Variants in DNAH11 observed in about 807,000 individuals in gnomAD.
DNAH11 encodes the protein axonemal beta dynein heavy chain 11.
In DNAH11, 442 loss-of-function variants were observed where a neutral mutation model predicts 526.0. That is an observed-to-expected ratio of 0.84 (90% CI 0.78 to 0.91). The LOEUF is 0.91. Ranked by LOEUF, DNAH11 falls within the 40% of genes least tolerant of loss-of-function variation. DNAH11 has a pLI of 0.00. For missense variants in DNAH11, 6,989 were observed against 5,448.7 expected (o/e 1.28, Z -8.90); for synonymous variants, 2,461 against 1,935.9 (o/e 1.27, Z -7.12).
intron 74 of DNAH11, among the ~76,000 whole-genome samples, chr7:21,879,577 G>T (rs73077549): frequency 6.6e-6 from 1 of 152,180 alleles, no homozygotes; most frequent in South Asian, 2.1e-4. Flanking sequence ...ATAATGTGTC[G>T]TGGTGATTTT....
rs1387643814 is a variant in DNAH11 at position 21,789,871 on chromosome 7, TC to T, written c.10026+530del. Among the ~76,000 whole-genome samples, 230 of 143,060 alleles carry T rather than the reference TC, an allele frequency of 1.6e-3. 2 individuals carry two copies. The highest frequency in any genetic ancestry group is 6.1e-3 in the African/African-American group (219 of 36,140). The allele number at this position is 143,060 out of a possible 152,430, so 93.9% of individuals were successfully genotyped here. A position where few individuals can be genotyped will look rare whatever the true frequency, so the allele number is the denominator to read the frequency against. On this transcript the variant is annotated intron_variant, in intron 61 of 81. Coordinates refer to ENST00000409508, the MANE Select transcript of DNAH11 (RefSeq NM_001277115.2). ...TTCTTTCTCTCTCCTTCCTTCCTTT[TC>T]TTTCTTTCTTTCTTTCTTTCCTTTC...
At chr7:21,811,279 A>G (rs148151689) in intron 63 of DNAH11, among the ~76,000 whole-genome samples, 8,369 of 151,392 alleles carry the variant, frequency 0.055, 283 homozygotes, top group East Asian at 0.18. Context: ...CCTGGCCAAC[A>G]TGGTGAAACC....
At position 21,892,418 on chromosome 7, in the gene DNAH11, G is replaced by A; in HGVS notation, c.12508-7G>A. 1 of 1,604,206 alleles carries A rather than the reference G, an allele frequency of 6.2e-7. No individual in the cohort carries two copies. The highest frequency in any genetic ancestry group is 8.5e-7 in the Non-Finnish European group (1 of 1,172,820). On this transcript the variant is annotated splice_polypyrimidine_tract_variant and splice_region_variant and intron_variant, in intron 76 of 81. Coordinates refer to ENST00000409508, the MANE Select transcript of DNAH11 (RefSeq NM_001277115.2). ...TGGAATAACTGACTTTTCCTTTGTG[G>A]TTCAAGACTGAAGATGAACTGATGC...
intron 8 of DNAH11, among the ~76,000 whole-genome samples, chr7:21,576,529 C>A (rs982928095): frequency 2.6e-5 from 4 of 152,174 alleles, no homozygotes; most frequent in African/African-American, 9.7e-5. Context: ...AGGGCTTAAG[C>A]CAAGACCCTA....
At chr7:21,809,935 A>C (rs1439983823) in intron 63 of DNAH11, among the ~76,000 whole-genome samples, 2 of 152,202 alleles carry the variant, frequency 1.3e-5, no homozygotes, top group African/African-American at 4.8e-5. Flanking sequence ...TTCAACAAGA[A>C]CATAAAAATT....
chr7:21,597,320 G>A (rs943610549), intron 14 of DNAH11, among the ~76,000 whole-genome samples: 2 of 152,124 alleles, frequency 1.3e-5, no homozygotes, highest in Admixed American at 6.5e-5. Flanking sequence ...AGGTCAAGAG[G>A]GCTGGTTTCT....
chr7:21,721,530 A>G (rs1784873824), intron 44 of DNAH11, among the ~76,000 whole-genome samples: 1 of 152,234 alleles, frequency 6.6e-6, no homozygotes, highest in Non-Finnish European at 1.5e-5. Flanking sequence ...TTATGGTGTC[A>G]GCATGGTTGA....
At chr7:21,549,595 G>T (rs1208328859) in intron 2 of DNAH11, among the ~76,000 whole-genome samples, 6 of 152,086 alleles carry the variant, frequency 3.9e-5, no homozygotes, top group African/African-American at 1.2e-4. Flanking sequence ...TGCTACTTTT[G>T]GTTCTTGGTT....
chr7:21,654,558 A>G lies in DNAH11; in HGVS notation c.4945-1274A>G, dbSNP rs563809397. Among the ~76,000 whole-genome samples the G allele has an allele frequency of 2.7e-4, 41 of 152,288 alleles. No individual in the cohort carries two copies. The South Asian group carries it at 8.5e-3, about 32-fold the overall frequency. Reference sequence around the variant, plus strand: ...TGCTTCGATGAACAGAGATGTACAAATACCTGTTTGAGTTCCTATTTTCAA... The same window carrying G: ...TGCTTCGATGAACAGAGATGTACAAGTACCTGTTTGAGTTCCTATTTTCAA... On this transcript the variant is annotated intron_variant, in intron 28 of 81. Transcript: ENST00000409508.
rs137991554 is a variant in DNAH11, at chr7:21,850,962, A to C, written c.10897-1505A>C. Reference sequence around the variant, plus strand: ...TGGAGGGGAAGCATTCTTTTCTCTTATAATTACATCTCAGGGTTTTTTAGG... The same window carrying C: ...TGGAGGGGAAGCATTCTTTTCTCTTCTAATTACATCTCAGGGTTTTTTAGG... On this transcript the variant is annotated intron_variant, in intron 66 of 81. Transcript: ENST00000409508. 2.6e-5 allele frequency among the ~76,000 whole-genome samples: 4 copies of C among 152,266 alleles called. 1 individual carries two copies. Among genetic ancestry groups the C allele is most frequent in the African/African-American group, 9.6e-5 (4 of 41,554 alleles).
intron 14 of DNAH11, among the ~76,000 whole-genome samples, chr7:21,591,969 C>G (rs911897668): frequency 1.3e-5 from 2 of 152,062 alleles, no homozygotes; most frequent in African/African-American, 4.8e-5. Flanking sequence ...CTAAGGGTGG[C>G]AACAATAATT....
In DNAH11 at chr7:21,600,929, A is replaced by T. The variant is rs751223056; in HGVS notation, c.3254A>T (p.Gln1085Leu). The T allele has an allele frequency of 1.2e-6, 2 of 1,613,462 alleles. No homozygotes were observed. The highest frequency in any genetic ancestry group is 1.7e-6 in the Non-Finnish European group (2 of 1,179,652). Residue 1085 changes from glutamine to leucine, a missense_variant and splice_region_variant, in exon 16 of 82, where the codon CAG becomes CTG. By Grantham distance (113) the Gln-to-Leu change is moderately radical. Transcript: ENST00000409508. ...CCAACTCTTGAGCAATTCAAAGAAC[A>T]GGCAAGGAAAACCCTTAGCATTTAA... Reference protein sequence around the residue: ...QPPTLEQFKEQIDIYEALYVQ... With the variant: ...QPPTLEQFKELIDIYEALYVQ...
chr7:21,662,407 G>T (rs1407640231), intron 30 of DNAH11, among the ~76,000 whole-genome samples: 1 of 151,946 alleles, frequency 6.6e-6, no homozygotes. Flanking sequence ...AATTCATTTT[G>T]TGTCTATGAA....
intron 66 of DNAH11, among the ~76,000 whole-genome samples, chr7:21,849,889 T>C (rs540535409): frequency 6.6e-6 from 1 of 152,334 alleles, no homozygotes; most frequent in African/African-American, 2.4e-5. Context: ...GCTACCATTA[T>C]TTCCAATCTT....
intron 2 of DNAH11, among the ~76,000 whole-genome samples, chr7:21,556,966 C>A (rs1783244577): frequency 6.6e-6 from 1 of 151,718 alleles, no homozygotes; most frequent in African/African-American, 2.4e-5. Flanking sequence ...GAGGCTGAGG[C>A]AGGAGAATCG....
At chr7:21,792,694 G>A (rs1471293857) in intron 61 of DNAH11, among the ~76,000 whole-genome samples, 1 of 152,002 alleles carries the variant, frequency 6.6e-6, no homozygotes, top group African/African-American at 2.4e-5. Context: ...CATGTTCATA[G>A]TAGTTTCTAA....
At position 21,687,653 on chromosome 7, in the gene DNAH11, C is replaced by T. The variant is rs62445283; in HGVS notation, c.5924+126C>T. ...GAAATAGATAAAGGAAGATTCTGGTCGATTTGGGGGAATTATTTTGAATAG... is the reference window on the plus strand; with the variant it reads ...GAAATAGATAAAGGAAGATTCTGGTTGATTTGGGGGAATTATTTTGAATAG... On this transcript the variant is annotated intron_variant, in intron 34 of 81. Coordinates refer to ENST00000409508, the MANE Select transcript of DNAH11 (RefSeq NM_001277115.2). 0.26 allele frequency: 312,268 copies of T among 1,205,758 alleles called. 40,787 individuals carry two copies. Among genetic ancestry groups the T allele is most frequent in the African/African-American group, 0.29 (18,693 of 64,964 alleles). The allele number at this position is 1,205,758 out of a possible 1,614,324, so 74.7% of individuals were successfully genotyped here.
chr7:21,656,279 A>T (rs1278113137), intron 29 of DNAH11, among the ~76,000 whole-genome samples: 17 of 152,152 alleles, frequency 1.1e-4, no homozygotes. Context: ...AGCAAATGCA[A>T]CTCAGTGACT....
At chr7:21,876,495 G>A (rs563704282) in intron 74 of DNAH11, among the ~76,000 whole-genome samples, 48 of 152,190 alleles carry the variant, frequency 3.2e-4, no homozygotes, top group Non-Finnish European at 5.4e-4. Context: ...CCTTTTATCA[G>A]TTAGAATGTT....
Sources: allele counts gnomAD v4.1 joint callset (sites outside exome capture counted in the v4.1 genomes callset), GRCh38; gene constraint gnomAD v4.1.1; transcripts MANE v1.5; gene names NCBI Gene and HGNC (gene_info 2026-07-23, HGNC 2026-07-21).